SETBP1: variants seen among roughly 807,000 people sequenced by gnomAD.
SETBP1 encodes SET-binding protein.
A neutral mutation model predicts 101.0 loss-of-function variants in SETBP1; 9 were observed. The observed-to-expected ratio is 0.09, with a 90% CI of 0.05 to 0.16. SETBP1 has a LOEUF of 0.16. SETBP1 is among the 10% of genes least tolerant of loss of function. The probability of loss-of-function intolerance (pLI) is 1.00; values close to 1 mark genes in which losing one functional copy is unlikely to be tolerated. For missense variants in SETBP1, 1,858 were observed against 2,033.8 expected (o/e 0.91, Z 1.66); for synonymous variants, 818 against 788.5 (o/e 1.04, Z -0.63).
chr18:44,833,542 G>A (rs1452063607), intron 2 of SETBP1, among the ~76,000 whole-genome samples: 1 of 152,230 alleles, frequency 6.6e-6, no homozygotes, highest in East Asian at 1.9e-4. Flanking sequence ...TGGACCAGAA[G>A]TGGCAGACAA....
chr18:45,035,409 A>G (rs1420899812), intron 4 of SETBP1, among the ~76,000 whole-genome samples: 1 of 152,234 alleles, frequency 6.6e-6, no homozygotes, highest in Non-Finnish European at 1.5e-5. Flanking sequence ...TCTAAATTAT[A>G]GAATGTTTTA....
intron 4 of SETBP1, among the ~76,000 whole-genome samples, chr18:45,004,946 C>A (rs909384234): frequency 3.9e-5 from 6 of 152,150 alleles, no homozygotes; most frequent in Non-Finnish European, 4.4e-5. Flanking sequence ...AGGGAACATA[C>A]CAGAAATATA....
At chr18:44,941,381 A>G (rs2071085570) in intron 3 of SETBP1, among the ~76,000 whole-genome samples, 1 of 151,852 alleles carries the variant, frequency 6.6e-6, no homozygotes, top group African/African-American at 2.4e-5. Flanking sequence ...ACCAGACATT[A>G]TTTTTGCACC....
intron 4 of SETBP1, among the ~76,000 whole-genome samples, chr18:45,023,698 A>G (rs772871288): frequency 1.1e-4 from 17 of 152,346 alleles, no homozygotes; most frequent in Middle Eastern, 3.4e-3. Flanking sequence ...GCAACCCTCC[A>G]GTCAGGCATT....
chr18:44,794,768 T>G (rs955227260), intron 2 of SETBP1, among the ~76,000 whole-genome samples: 1 of 152,198 alleles, frequency 6.6e-6, no homozygotes, highest in Middle Eastern at 3.2e-3. Context: ...GGCTCTTCAA[T>G]AAATGGTATT....
Position 45,059,880 on chromosome 18 carries a change from A to C in SETBP1, c.4172-3199A>C, listed in dbSNP as rs1599507119. ...CCTTGGGGGGAAGTAGATGTTGAGT[A>C]GTAGGTGAGTCATCCACCAAATCTT... On this transcript the variant is annotated intron_variant, in intron 5 of 5. Coordinates refer to ENST00000649279, the MANE Select transcript of SETBP1 (RefSeq NM_015559.3). Among the ~76,000 whole-genome samples, 3 of 152,316 alleles carry C rather than the reference A, an allele frequency of 2.0e-5. No homozygotes were observed. The South Asian group carries it at 6.2e-4, about 32-fold the overall frequency.
At chr18:44,844,749 G>A (rs2072691499) in intron 2 of SETBP1, among the ~76,000 whole-genome samples, 1 of 152,276 alleles carries the variant, frequency 6.6e-6, no homozygotes. Flanking sequence ...GCCTCCATGA[G>A]GGTTCTCGGT....
At chr18:44,987,962 G>A (rs2072276738) in intron 4 of SETBP1, 1 of 152,102 alleles carries the variant, frequency 6.6e-6, no homozygotes, top group Non-Finnish European at 1.5e-5. Flanking sequence ...ATAGTTTCCA[G>A]AATTCTCCTA....
At chr18:44,729,453 C>T (rs575609188) in intron 2 of SETBP1, among the ~76,000 whole-genome samples, 4 of 152,204 alleles carry the variant, frequency 2.6e-5, no homozygotes, top group East Asian at 3.8e-4. Context: ...ATCTGCATGA[C>T]TCAGTGGCTA....
At chr18:44,688,888 T>C (rs1237152243) in intron 1 of SETBP1, among the ~76,000 whole-genome samples, 1 of 152,220 alleles carries the variant, frequency 6.6e-6, no homozygotes, top group Non-Finnish European at 1.5e-5. Context: ...CCACAAATAT[T>C]TATTAAAATA....
At chr18:45,014,736 G>A (rs1052859512) in intron 4 of SETBP1, among the ~76,000 whole-genome samples, 3 of 151,820 alleles carry the variant, frequency 2.0e-5, no homozygotes, top group African/African-American at 7.3e-5. Flanking sequence ...GGTAATAAAG[G>A]GTGAATCACT....
Position 45,063,675 on chromosome 18 carries a change from A to G in SETBP1, c.4768A>G (p.Ser1590Gly), listed in dbSNP as rs776334194. 6.2e-6 allele frequency: 10 copies of G among 1,608,250 alleles called. No individual in the cohort carries two copies. In the African/African-American group the frequency reaches 1.2e-4, roughly 19 times the overall value. The part of the protein sequence containing the change: ...KAKRQRKSRG[S>G]ESEVLP ...CAAAAGGCAGAGGAAGTCCCGAGGG[A>G]GTGAGAGCGAGGTCCTTCCCTAGGG... is the stretch of plus-strand genomic sequence containing the variant. Residue 1590 changes from serine (S) to glycine (G), a missense_variant, in exon 6 of 6, where the codon AGT (serine) becomes GGT (glycine). Ser to Gly is a moderately conservative substitution (Grantham distance 56). Around this residue, in one of 12 missense-constraint regions of SETBP1, gnomAD observed 178 missense variants for 189.1 expected, o/e 0.94. Coordinates refer to ENST00000649279, the MANE Select transcript of SETBP1 (RefSeq NM_015559.3).
chr18:44,778,558 C>G (rs984567398), intron 2 of SETBP1, among the ~76,000 whole-genome samples: 2 of 152,214 alleles, frequency 1.3e-5, no homozygotes, highest in African/African-American at 4.8e-5. Flanking sequence ...CAAAAAGCCT[C>G]TGTTCTACCT....
At chr18:44,785,710 T>C (rs1475507426) in intron 2 of SETBP1, among the ~76,000 whole-genome samples, 2 of 152,214 alleles carry the variant, frequency 1.3e-5, no homozygotes, top group African/African-American at 2.4e-5. Flanking sequence ...TTCTTCCCCT[T>C]CGTTATCTCT....
chr18:45,063,333 GA>G lies in SETBP1; in HGVS notation c.4431del (p.Lys1477AsnfsTer15), dbSNP rs1276950507. ...EDSRDQMPVL[E>X]KCIDLPSKRG... ...CTCCAGAGACCAAATGCCGGTGCTG[GA>G]AAAATGCATCGACCTGCCCAGCAAA... On this transcript the variant is annotated frameshift_variant, in exon 6 of 6. Coordinates refer to ENST00000649279, the MANE Select transcript of SETBP1 (RefSeq NM_015559.3). LOFTEE classifies it high-confidence loss of function. The G allele has an allele frequency of 1.9e-6, 3 of 1,595,096 alleles. No individual in the cohort carries two copies. Among genetic ancestry groups the G allele is most frequent in the Admixed American group, 1.7e-5 (1 of 57,596 alleles).
At chr18:45,029,588 T>G (rs977587269) in intron 4 of SETBP1, among the ~76,000 whole-genome samples, 4 of 152,170 alleles carry the variant, frequency 2.6e-5, no homozygotes, top group African/African-American at 9.7e-5. Context: ...ATTGAATCTA[T>G]AAATTACCTT....
chr18:45,053,201 TAATC>T (rs1332499836), intron 5 of SETBP1, among the ~76,000 whole-genome samples: 1 of 152,050 alleles, frequency 6.6e-6, no homozygotes, highest in Admixed American at 6.5e-5. Context: ...ACACAGAAAA[TAATC>T]AAACCAATTT....
intron 2 of SETBP1, among the ~76,000 whole-genome samples, chr18:44,724,829 T>C (rs1599036536): frequency 6.6e-6 from 1 of 152,154 alleles, no homozygotes; most frequent in East Asian, 1.9e-4. Context: ...TCTCCTCTAA[T>C]TGAGAAAATA....
chr18:44,863,775 C>T (rs965535634), intron 2 of SETBP1, among the ~76,000 whole-genome samples: 1 of 152,182 alleles, frequency 6.6e-6, no homozygotes. Context: ...ACCTAGCTAC[C>T]TATGCATCAA....
Sources: gnomAD v4.1 joint callset for allele counts (sites outside exome capture counted in the v4.1 genomes callset) on GRCh38, gnomAD v4.1.1 for gene constraint, gnomAD v4.1.1 regional missense constraint, MANE v1.5 for transcripts, NCBI Gene and HGNC (gene_info 2026-07-23, HGNC 2026-07-21) for gene names.